DGKI: variants seen among roughly 807,000 people sequenced by gnomAD.
DGKI encodes the protein DAG kinase iota.
In DGKI, 55 loss-of-function variants were observed where a neutral mutation model predicts 147.5. The observed-to-expected ratio is 0.37, with a 90% CI of 0.30 to 0.47. The LOEUF is 0.47. DGKI is among the 20% of genes least tolerant of loss of function. The pLI, the probability that DGKI is intolerant of heterozygous loss-of-function variation, is 1.00. For missense variants in DGKI, 1,007 were observed against 1,323.8 expected, an observed-to-expected ratio of 0.76 and a Z score of 3.71; for synonymous variants, 469 against 477.1, an observed-to-expected ratio of 0.98 and a Z score of 0.22.
At chr7:137,838,489 C>T (rs1307083796) in intron 1 of DGKI, among the ~76,000 whole-genome samples, 1 of 152,110 alleles carries the variant, frequency 6.6e-6, no homozygotes, top group African/African-American at 2.4e-5. Context: ...CAACAAATTG[C>T]TTTCAAGTTT....
intron 1 of DGKI, among the ~76,000 whole-genome samples, chr7:137,781,312 A>T (rs954169994): frequency 6.6e-6 from 1 of 152,208 alleles, no homozygotes; most frequent in Non-Finnish European, 1.5e-5. Context: ...TACAGATATG[A>T]GACCCTTAGC....
At chr7:137,628,480 T>C (rs895073065) in intron 6 of DGKI, among the ~76,000 whole-genome samples, 1 of 152,182 alleles carries the variant, frequency 6.6e-6, no homozygotes, top group African/African-American at 2.4e-5. Flanking sequence ...CCACCTGCTA[T>C]AGGAAGACTC....
intron 10 of DGKI, 51 bp downstream of exon 10, chr7:137,608,915 G>C (rs376096457): frequency 7.0e-7 from 1 of 1,419,720 alleles, no homozygotes; most frequent in Non-Finnish European, 9.9e-7. Context: ...GAGTTGTGTC[G>C]TCAAGAAATT....
intron 1 of DGKI, among the ~76,000 whole-genome samples, chr7:137,838,462 A>T (rs1283470437): frequency 6.6e-6 from 1 of 152,210 alleles, no homozygotes; most frequent in Non-Finnish European, 1.5e-5. Context: ...AGCTTATGTA[A>T]AGCTCTTTTT....
intron 32 of DGKI, among the ~76,000 whole-genome samples, chr7:137,391,742 C>A (rs1811373377): frequency 6.6e-6 from 1 of 152,084 alleles, no homozygotes; most frequent in African/African-American, 2.4e-5. Context: ...GGGAGGCAGG[C>A]ATTTAGATTT....
intron 27 of DGKI, among the ~76,000 whole-genome samples, chr7:137,459,961 T>C (rs1232352324): frequency 6.6e-6 from 1 of 152,208 alleles, no homozygotes; most frequent in Non-Finnish European, 1.5e-5. Flanking sequence ...TCTGCAGTCC[T>C]AACGTACTAT....
chr7:137,482,967 C>T (rs183810898), intron 23 of DGKI, among the ~76,000 whole-genome samples: 1 of 152,156 alleles, frequency 6.6e-6, no homozygotes, highest in African/African-American at 2.4e-5. Context: ...CACACAAAAC[C>T]TTTTGATGTG....
rs965475833 is a variant in DGKI, at chr7:137,552,352, G to A, written c.2147+17C>T. ...AAGGTCTTCATGTTAAGCAAGGTAG[G>A]CCATGAGCAGACTCACTCATTGAGT... On this transcript the variant is annotated intron_variant, in intron 20 of 32. Coordinates refer to ENST00000614521, the MANE Select transcript of DGKI (RefSeq NM_001321708.2). 8 of 1,611,726 alleles carry A rather than the reference G, an allele frequency of 5.0e-6. No homozygotes were observed. Among genetic ancestry groups the A allele is most frequent in the Admixed American group, 1.7e-5 (1 of 59,984 alleles).
rs77339658 is a variant in DGKI, at chr7:137,499,020, A to T, written c.2249-11331T>A. Among the ~76,000 whole-genome samples, 738 of 152,290 alleles carry T rather than the reference A, an allele frequency of 4.8e-3. 6 individuals are homozygous for T. Among genetic ancestry groups the T allele is most frequent in the African/African-American group, 0.017 (710 of 41,550 alleles). ...GCACTCTCAGAAAAACTGAAGCTCA[A>T]CAATGAACTAGAGACTCTTTTCAGC... On this transcript the variant is annotated intron_variant, in intron 21 of 32. Transcript: ENST00000614521.
chr7:137,469,678 C>CA, intron 23 of DGKI, 59 bp from the exon 24 acceptor site: 1 of 1,506,464 alleles, frequency 6.6e-7, no homozygotes, highest in Non-Finnish European at 9.2e-7. Context: ...GGGCTTCCCT[C>CA]ACTCAGCATT....
intron 1 of DGKI, among the ~76,000 whole-genome samples, chr7:137,761,962 C>A (rs1048036136): frequency 1.2e-4 from 18 of 152,192 alleles, no homozygotes; most frequent in Non-Finnish European, 2.1e-4. Context: ...TCGTCCTCAT[C>A]CCTCATTTTC....
intron 6 of DGKI, among the ~76,000 whole-genome samples, chr7:137,638,613 C>CATATATGTATATGTGTGTATATAT (rs1554446609): frequency 0.79 from 12,347 of 15,584 alleles, 5,545 homozygotes; most frequent in Non-Finnish European, 0.9. Context: ...TATATATATA[C>CATATATGTATATGTGTGTATATAT]ACACACACAT....
chr7:137,662,117 TATG>T (rs1200246414), intron 3 of DGKI, among the ~76,000 whole-genome samples: 1 of 152,194 alleles, frequency 6.6e-6, no homozygotes, highest in Non-Finnish European at 1.5e-5. Context: ...GTTCCATTAA[TATG>T]ATTTCAGGGC....
intron 1 of DGKI, among the ~76,000 whole-genome samples, chr7:137,806,591 G>A (rs182537450): frequency 5.5e-4 from 84 of 152,136 alleles, no homozygotes; most frequent in African/African-American, 1.9e-3. Flanking sequence ...CTGCCAACAC[G>A]CCCGGCTAAT....
At chr7:137,643,067 G>A (rs1409168575) in intron 6 of DGKI, among the ~76,000 whole-genome samples, 2 of 151,258 alleles carry the variant, frequency 1.3e-5, no homozygotes, top group African/African-American at 4.9e-5. Flanking sequence ...CGAGACGGGC[G>A]GATCACGAGG....
chr7:137,419,967 C>A (rs897820931), intron 28 of DGKI, among the ~76,000 whole-genome samples: 3 of 152,164 alleles, frequency 2.0e-5, no homozygotes, highest in African/African-American at 7.2e-5. Context: ...TTCTTTTGCT[C>A]AAAAATCTGC....
At chr7:137,684,148 G>A (rs1823334971) in intron 2 of DGKI, among the ~76,000 whole-genome samples, 1 of 152,164 alleles carries the variant, frequency 6.6e-6, no homozygotes, top group Non-Finnish European at 1.5e-5. Context: ...AAATCTTCAG[G>A]ACAAGAATTG....
intron 1 of DGKI, chr7:137,771,701 T>C (rs983517519): frequency 6.6e-6 from 1 of 152,238 alleles, no homozygotes; most frequent in African/African-American, 2.4e-5. Context: ...ATGGTCTTCA[T>C]GGAAAGTGTG....
intron 19 of DGKI, among the ~76,000 whole-genome samples, chr7:137,562,256 C>T (rs187768797): frequency 1.3e-5 from 2 of 152,346 alleles, no homozygotes; most frequent in East Asian, 3.9e-4. Context: ...TAAGGTAATG[C>T]TGGGCACAGT....
Sources: gnomAD v4.1 joint callset for allele counts (sites outside exome capture counted in the v4.1 genomes callset) on GRCh38, gnomAD v4.1.1 for gene constraint, MANE v1.5 for transcripts, NCBI Gene and HGNC (gene_info 2026-07-23, HGNC 2026-07-21) for gene names.